CARD14: variants seen among roughly 807,000 people sequenced by gnomAD.
CARD14 encodes the protein caspase recruitment domain-containing protein 14.
Under a neutral mutation model 111.5 loss-of-function variants are expected in CARD14, and 107 were observed. That is an observed-to-expected ratio of 0.96 (90% CI 0.82 to 1.13). CARD14 has a LOEUF of 1.13. CARD14 is among the 50% of genes most tolerant of loss of function. The probability of loss-of-function intolerance (pLI) is 0.00; values close to 1 mark genes in which losing one functional copy is unlikely to be tolerated. For missense variants in CARD14, 1,322 were observed against 1,362.3 expected, an observed-to-expected ratio of 0.97 and a Z score of 0.47; for synonymous variants, 617 against 579.6, an observed-to-expected ratio of 1.06 and a Z score of -0.93.
At chr17:80,177,671 G>GGAGAC (rs1272543580) in intron 2 of CARD14, among the ~76,000 whole-genome samples, 10 of 152,262 alleles carry the variant, frequency 6.6e-5, no homozygotes, top group Non-Finnish European at 1.3e-4. Context: ...CTGCAGCCTG[G>GGAGAC]GAGACGAGCA....
chr17:80,175,849 C>T (rs1273813505), intron 2 of CARD14, among the ~76,000 whole-genome samples: 1 of 151,002 alleles, frequency 6.6e-6, no homozygotes, highest in South Asian at 2.1e-4. Context: ...GGGGCAGAAC[C>T]GGGCACTGCA....
Position 80,188,485 on chromosome 17 carries a change from G to A in CARD14, c.784G>A (p.Glu262Lys). 3.8e-6 allele frequency: 6 copies of A among 1,588,892 alleles called. No homozygotes were observed. Among genetic ancestry groups the A allele is most frequent in the Non-Finnish European group, 5.1e-6 (6 of 1,168,596 alleles). The part of the protein sequence containing the change: ...RTASDQESGD[E>K]ELNRLKEENE... ...AGCCAGCGACCAGGAGTCCGGGGAT[G>A]AGGAGCTGAACCGCCTGAAGGAGGA... Residue 262 changes from glutamate (E) to lysine (K), a missense_variant, in exon 8 of 24, where the codon GAG becomes AAG. Coordinates refer to ENST00000648509, the MANE Select transcript of CARD14 (RefSeq NM_001366385.1). The surrounding 1 kb of genome is among the most constrained non-coding windows in gnomAD (Gnocchi z 4.5).
At chr17:80,200,177 C>T (rs2040892365) in intron 16 of CARD14, among the ~76,000 whole-genome samples, 1 of 150,824 alleles carries the variant, frequency 6.6e-6, no homozygotes, top group African/African-American at 2.4e-5. Context: ...GCACCTAATT[C>T]AAGCGTCCTT....
At chr17:80,171,761 G>A (rs1189131830) in intron 1 of CARD14, among the ~76,000 whole-genome samples, 1 of 152,210 alleles carries the variant, frequency 6.6e-6, no homozygotes, top group African/African-American at 2.4e-5. Flanking sequence ...CCTGTCTTCA[G>A]CTGCTGGTGA....
chr17:80,195,477 C>T lies in CARD14; in HGVS notation c.1500-81C>T, dbSNP rs2040678201. 1 of 1,512,642 alleles carries T rather than the reference C, an allele frequency of 6.6e-7. No individual in the cohort carries two copies. The highest frequency in any genetic ancestry group is 8.9e-7 in the Non-Finnish European group (1 of 1,120,384). 93.7% of individuals were successfully genotyped at this position (1,512,642 alleles called of 1,614,324 possible). Reference sequence around the variant, plus strand: ...CTCGAAGCCCCAGAGCTGGCAGGTGCTGGGGGCCAGTGCTTGGGGCGTGGG... The same window carrying T: ...CTCGAAGCCCCAGAGCTGGCAGGTGTTGGGGGCCAGTGCTTGGGGCGTGGG... On this transcript the variant is annotated intron_variant, in intron 13 of 23. Transcript: ENST00000648509. The surrounding 1 kb of genome is among the most constrained non-coding windows in gnomAD (Gnocchi z 4.7).
At chr17:80,183,272 T>G (rs1300379655) in intron 6 of CARD14, among the ~76,000 whole-genome samples, 1 of 152,206 alleles carries the variant, frequency 6.6e-6, no homozygotes, top group Non-Finnish European at 1.5e-5. Context: ...AATTCTAGGC[T>G]TCCCTGGAGG....
In CARD14 at chr17:80,202,418, C is replaced by G. The variant is rs2041033310; in HGVS notation, c.2217C>G (p.Ser739=). 6.2e-7 allele frequency: 1 copy of G among 1,609,550 alleles called. No homozygotes were observed. Among genetic ancestry groups the G allele is most frequent in the South Asian group, 1.1e-5 (1 of 91,016 alleles). Residue 739 remains serine (S), a splice_region_variant and synonymous_variant, in exon 18 of 24, where the codon TCC becomes TCG. Coordinates refer to ENST00000648509, the MANE Select transcript of CARD14 (RefSeq NM_001366385.1). ...CGCACGGCACCATCCCCAACTACTCCAGGTGAGCAGCTGCCTCGAGCTCGG... is the reference window on the plus strand; with the variant it reads ...CGCACGGCACCATCCCCAACTACTCGAGGTGAGCAGCTGCCTCGAGCTCGG... ...TAAHGTIPNY[S]RAQQQLIALI...
Position 80,189,906 on chromosome 17 carries a change from C to A in CARD14, c.963+34C>A. ...TGAGCCCTTCCTCCCTTGTGACTCT[C>A]CTGGGGCTTGTCTCAGGGGTGCGGA... On this transcript the variant is annotated intron_variant, in intron 9 of 23. Coordinates refer to ENST00000648509, the MANE Select transcript of CARD14 (RefSeq NM_001366385.1). The surrounding 1 kb of genome is among the most constrained non-coding windows in gnomAD (Gnocchi z 4.7). 1.3e-6 allele frequency: 2 copies of A among 1,580,002 alleles called. No individual in the cohort carries two copies. The highest frequency in any genetic ancestry group is 1.7e-6 in the Non-Finnish European group (2 of 1,168,192).
chr17:80,204,883 G>A (rs775733142), intron 20 of CARD14, 152 bp from the exon 21 acceptor site: 11 of 645,542 alleles, frequency 1.7e-5, no homozygotes, highest in Non-Finnish European at 2.8e-5. Context: ...GGAACTGGGA[G>A]TGAGTCCTGT....
chr17:80,186,867 G>A (rs1412844079), intron 7 of CARD14, among the ~76,000 whole-genome samples: 2 of 152,188 alleles, frequency 1.3e-5, no homozygotes, highest in East Asian at 3.8e-4. Flanking sequence ...TCCTTTTAGA[G>A]AACAAGATGT....
chr17:80,191,172 C>T lies in CARD14; in HGVS notation c.1090-151C>T, dbSNP rs1250333807. The T allele has an allele frequency of 1.6e-5, 16 of 1,028,244 alleles. No individual in the cohort carries two copies. The Admixed American group carries it at 1.6e-4, about 10-fold the overall frequency. 63.7% of individuals were successfully genotyped at this position (1,028,244 alleles called of 1,614,324 possible). A position where few individuals can be genotyped will look rare whatever the true frequency, so the allele number is the denominator to read the frequency against. ...TTTATCAACACTGCACATGTGAACACGAATTGAAATGAATCTTAAGTTTGC... is the reference window on the plus strand; with the variant it reads ...TTTATCAACACTGCACATGTGAACATGAATTGAAATGAATCTTAAGTTTGC... On this transcript the variant is annotated intron_variant, in intron 10 of 23. Coordinates refer to ENST00000648509, the MANE Select transcript of CARD14 (RefSeq NM_001366385.1).
At position 80,188,073 on chromosome 17, in the gene CARD14, G is replaced by A. The variant is rs988827543; in HGVS notation, c.676-304G>A. On this transcript the variant is annotated intron_variant, in intron 7 of 23. Transcript: ENST00000648509. This position sits in a 1 kb window ranked among gnomAD's most constrained non-coding sequence, Gnocchi z 4.5. ...GGCCATCACTGCCGGCTGCTCAGCT[G>A]TAGAGATCCAGGAGTTGGTTATCAA... The A allele has an allele frequency of 1.1e-4, 80 of 699,010 alleles. No individual in the cohort carries two copies. Among genetic ancestry groups the A allele is most frequent in the Non-Finnish European group, 1.4e-4 (78 of 552,596 alleles). 43.3% of individuals were successfully genotyped at this position (699,010 alleles called of 1,614,324 possible). A position where few individuals can be genotyped will look rare whatever the true frequency, so the allele number is the denominator to read the frequency against.
chr17:80,172,039 G>A (rs1022941023), intron 1 of CARD14, among the ~76,000 whole-genome samples: 1 of 152,234 alleles, frequency 6.6e-6, no homozygotes, highest in African/African-American at 2.4e-5. Flanking sequence ...GAACTCCCAG[G>A]GTTTCAGCTG....
chr17:80,170,851 T>C (rs1398650812), intron 1 of CARD14, among the ~76,000 whole-genome samples: 1 of 121,804 alleles, frequency 8.2e-6, no homozygotes, highest in Non-Finnish European at 1.7e-5. Context: ...TCCCCTCTTC[T>C]CTCCTTTTTC....
At position 80,182,437 on chromosome 17, in the gene CARD14, C is replaced by G. The variant is rs1047409887; in HGVS notation, c.212-216C>G. ...CGATACATGCCAGCTTTGCCCTTCT[C>G]GAGTCTGACTGAGGTCATGGGGGTA... On this transcript the variant is annotated intron_variant, in intron 5 of 23. Coordinates refer to ENST00000648509, the MANE Select transcript of CARD14 (RefSeq NM_001366385.1). This position sits in a 1 kb window ranked among gnomAD's most constrained non-coding sequence, Gnocchi z 4.7. 1.3e-5 allele frequency among the ~76,000 whole-genome samples: 2 copies of G among 152,200 alleles called. No homozygotes were observed. The highest frequency in any genetic ancestry group is 4.8e-5 in the African/African-American group (2 of 41,458).
intron 22 of CARD14, 39 bp from the exon 23 acceptor site, chr17:80,206,931 C>A: frequency 6.6e-7 from 1 of 1,504,820 alleles, no homozygotes; most frequent in Non-Finnish European, 9.2e-7. Flanking sequence ...CCTCTGAGGC[C>A]TGTGATCTTG....
chr17:80,202,233 T>C lies in CARD14; in HGVS notation c.2032T>C (p.Ser678Pro). Reference protein sequence around the residue: ...LEAKVATSGDSFYIRVNLAME... With the variant: ...LEAKVATSGDPFYIRVNLAME... ...GGCCAAAGTGGCGACCTCGGGGGAC[T>C]CATTCTACATCCGGGTCAACCTGGC... The change falls in exon 18 of 24, where the codon TCA (serine) becomes CCA (proline). Residue 678 changes from serine (S) to proline (P), a missense_variant. Physicochemically the swap from Ser to Pro is moderately conservative, Grantham distance 74. Transcript: ENST00000648509. The C allele has an allele frequency of 6.2e-7, 1 of 1,614,012 alleles. No homozygotes were observed. Among genetic ancestry groups the C allele is most frequent in the Non-Finnish European group, 8.5e-7 (1 of 1,180,026 alleles).
chr17:80,201,977 C>CA lies in CARD14; in HGVS notation c.1978+109dup. ...CCCAGCAGCCAGGGACCCCCAGAGCCAAGAGAGGATCAGCCAGGCTGTGCC... is the reference window on the plus strand; with the variant it reads ...CCCAGCAGCCAGGGACCCCCAGAGCCAAAGAGAGGATCAGCCAGGCTGTGCC... On this transcript the variant is annotated intron_variant, in intron 17 of 23. Coordinates refer to ENST00000648509, the MANE Select transcript of CARD14 (RefSeq NM_001366385.1). The surrounding 1 kb of genome is among the most constrained non-coding windows in gnomAD (Gnocchi z 5.0). 7.0e-7 allele frequency: 1 copy of CA among 1,426,408 alleles called. No individual in the cohort carries two copies. The highest frequency in any genetic ancestry group is 2.2e-5 in the Admixed American group (1 of 45,804). 88.4% of individuals were successfully genotyped at this position (1,426,408 alleles called of 1,614,324 possible). A position where few individuals can be genotyped will look rare whatever the true frequency, so the allele number is the denominator to read the frequency against.
chr17:80,200,229 ATTT>A (rs373332962), intron 16 of CARD14, among the ~76,000 whole-genome samples: 338 of 74,388 alleles, frequency 4.5e-3, no homozygotes, highest in South Asian at 0.018. Context: ...TTTACATGTC[ATTT>A]TTTTTTTTTT....
Sources: allele counts gnomAD v4.1 joint callset (sites outside exome capture counted in the v4.1 genomes callset), GRCh38; gene constraint gnomAD v4.1.1; non-coding constraint Gnocchi (gnomAD v3.1); transcripts MANE v1.5; gene names NCBI Gene and HGNC (gene_info 2026-07-23, HGNC 2026-07-21).